Variants in HEPH observed in about 807,000 individuals in gnomAD.
HEPH encodes the protein hephaestin.
In HEPH, 69 loss-of-function variants were observed where a neutral mutation model predicts 80.8. The observed-to-expected ratio is 0.85, with a 90% confidence interval of 0.70 to 1.04. The LOEUF (loss-of-function observed/expected upper bound fraction) is 1.04, where lower values mean the gene tolerates loss of function less well. Among genes scored for constraint, HEPH ranks in the 50% least tolerant of loss-of-function variants. HEPH has a pLI of 0.00. For synonymous variants in HEPH, 431 were observed against 322.8 expected (o/e 1.34, Z -3.60); for missense variants, 1,115 against 891.3 (o/e 1.25, Z -3.20).
chrX:66,188,120 G>A (rs1484690165), intron 4 of HEPH, among the ~76,000 whole-genome samples: 3 of 111,451 alleles, frequency 2.7e-5, no homozygotes, highest in East Asian at 5.7e-4. Flanking sequence ...AGGGATGGTA[G>A]GAGGGAATTA....
intron 15 of HEPH, among the ~76,000 whole-genome samples, chrX:66,250,286 C>T (rs1257012811): frequency 1.8e-5 from 2 of 111,660 alleles, no homozygotes; most frequent in Non-Finnish European, 3.8e-5. Flanking sequence ...CATGCTTTCA[C>T]CTCTGACTCT....
intron 15 of HEPH, among the ~76,000 whole-genome samples, chrX:66,216,305 ATACAACCGAGGACTCT>A (rs1023829326): frequency 3.6e-5 from 4 of 111,804 alleles, no homozygotes; most frequent in African/African-American, 1.3e-4. Context: ...CTTAATAAAA[ATACAACCGAGGACTCT>A]TACATAGTCC....
At chrX:66,231,946 C>T (rs1009698182) in intron 15 of HEPH, among the ~76,000 whole-genome samples, 13 of 110,637 alleles carry the variant, frequency 1.2e-4, no homozygotes, top group South Asian at 7.6e-4. Context: ...TTTTGAAGTA[C>T]GTCCCATGAA....
chrX:66,219,317 CAT>C (rs1015680987), intron 15 of HEPH, among the ~76,000 whole-genome samples: 2 of 112,120 alleles, frequency 1.8e-5, no homozygotes, highest in African/African-American at 6.5e-5. Context: ...TGCACGGGCA[CAT>C]GTGCCAGTTT....
intron 15 of HEPH, among the ~76,000 whole-genome samples, chrX:66,222,271 G>A (rs748085322): frequency 1.2e-4 from 13 of 112,776 alleles, no homozygotes; most frequent in Non-Finnish European, 2.2e-4. Context: ...TTGGGATACA[G>A]CAGAGAGAGC....
chrX:66,197,261 T>A (rs951937781), intron 9 of HEPH, among the ~76,000 whole-genome samples: 7 of 109,220 alleles, frequency 6.4e-5, no homozygotes, highest in Non-Finnish European at 1.3e-4. Context: ...AAGAAAAAAA[T>A]TAAATAATCA....
chrX:66,204,120 A>G (rs1009283249), intron 13 of HEPH, among the ~76,000 whole-genome samples: 2 of 112,090 alleles, frequency 1.8e-5, no homozygotes, highest in African/African-American at 6.5e-5. Flanking sequence ...ATTCCCGGCT[A>G]TCATGAAGAA....
chrX:66,259,874 A>AT (rs1305247402), intron 18 of HEPH, among the ~76,000 whole-genome samples: 4 of 107,307 alleles, frequency 3.7e-5, no homozygotes, highest in African/African-American at 1.0e-4. Context: ...ATGCCCGGCA[A>AT]TTTTTTTTAT....
intron 15 of HEPH, among the ~76,000 whole-genome samples, chrX:66,214,812 A>T (rs2089315200): frequency 9.0e-6 from 1 of 111,106 alleles, no homozygotes; most frequent in Admixed American, 9.6e-5. Flanking sequence ...AGTTTCTGTA[A>T]ATATATTAAT....
intron 13 of HEPH, among the ~76,000 whole-genome samples, chrX:66,205,744 C>G (rs746038805): frequency 9.1e-6 from 1 of 110,129 alleles, no homozygotes; most frequent in African/African-American, 3.3e-5. Context: ...TACAGGTGCA[C>G]GCTGCCACAC....
chrX:66,171,766 T>C (rs895834523), intron 2 of HEPH, among the ~76,000 whole-genome samples: 1 of 109,240 alleles, frequency 9.2e-6, no homozygotes, highest in African/African-American at 3.4e-5. Context: ...ACTTTTACTA[T>C]TTGCCACTGT....
At chrX:66,228,860 A>G (rs1475651823) in intron 15 of HEPH, among the ~76,000 whole-genome samples, 2 of 111,387 alleles carry the variant, frequency 1.8e-5, no homozygotes, top group African/African-American at 6.6e-5. Flanking sequence ...GGCCATAGTC[A>G]AAAAAATAAA....
rs929637266 is a variant in HEPH, at chrX:66,259,051, G to A, written c.3036+72G>A. On this transcript the variant is annotated intron_variant, in intron 18 of 20. Coordinates refer to ENST00000343002, the MANE Select transcript of HEPH (RefSeq NM_001367233.3). The stretch of plus-strand genomic sequence containing the variant: ...GGTTTAACAGCAATTGAGAAAAAAG[G>A]TAACAGTGTGGAACAGGTAACAATT... 4 of 1,048,014 alleles carry A rather than the reference G, an allele frequency of 3.8e-6. No individual in the cohort carries two copies. The Admixed American group carries it at 1.3e-4, about 34-fold the overall frequency. 86.4% of individuals were successfully genotyped at this position (1,048,014 alleles called of 1,213,427 possible).
intron 9 of HEPH, 21 bp from the exon 10 acceptor site, chrX:66,197,662 A>G (rs1448047812): frequency 8.6e-7 from 1 of 1,156,531 alleles, no homozygotes; most frequent in Admixed American, 2.2e-5. Context: ...CTAAGTAATG[A>G]GTCCCATATT....
Position 66,198,864 on chromosome X carries a change from T to C in HEPH, c.1714-14T>C, listed in dbSNP as rs1220031605. 8.6e-7 allele frequency: 1 copy of C among 1,165,099 alleles called. No individual in the cohort carries two copies. The highest frequency in any genetic ancestry group is 2.2e-5 in the Admixed American group (1 of 45,858). On this transcript the variant is annotated splice_polypyrimidine_tract_variant and intron_variant, in intron 10 of 20. Transcript: ENST00000343002. Reference sequence around the variant, plus strand: ...TGTCATTATTCCCTCTACTTTCTTCTATTGGGCCTGCAGAAAGGGGTGGAT... The same window carrying C: ...TGTCATTATTCCCTCTACTTTCTTCCATTGGGCCTGCAGAAAGGGGTGGAT...
At chrX:66,187,112 C>A (rs755989687) in intron 4 of HEPH, among the ~76,000 whole-genome samples, 1 of 110,566 alleles carries the variant, frequency 9.0e-6, no homozygotes, top group South Asian at 3.8e-4. Context: ...CTATCTATTT[C>A]CTTGAATATT....
At chrX:66,242,338 C>A (rs2090628546) in intron 15 of HEPH, among the ~76,000 whole-genome samples, 1 of 111,267 alleles carries the variant, frequency 9.0e-6, no homozygotes, top group Non-Finnish European at 1.9e-5. Flanking sequence ...GAAACTGGAC[C>A]CTTTCTTTAA....
At chrX:66,202,105 G>T (rs1015543455) in intron 12 of HEPH, among the ~76,000 whole-genome samples, 14 of 111,897 alleles carry the variant, frequency 1.3e-4, no homozygotes, top group Non-Finnish European at 2.6e-4. Flanking sequence ...AATAGTCAGG[G>T]AGGGCTTTCT....
intron 6 of HEPH, 53 bp downstream of exon 6, chrX:66,189,991 G>T: frequency 2.7e-6 from 3 of 1,104,820 alleles, no homozygotes; most frequent in Non-Finnish European, 3.6e-6. Context: ...TATGATAATG[G>T]TCAAGGGAGG....
Sources: gnomAD v4.1 joint callset for allele counts (sites outside exome capture counted in the v4.1 genomes callset) on GRCh38, gnomAD v4.1.1 for gene constraint, MANE v1.5 for transcripts, NCBI Gene and HGNC (gene_info 2026-07-23, HGNC 2026-07-21) for gene names.